Variants in HS6ST3 observed in about 807,000 individuals in gnomAD.
HS6ST3 encodes the protein heparan sulfate 6-O-sulfotransferase 3, also known as heparan-sulfate 6-O-sulfotransferase 3.
HS6ST3 carries 12 observed loss-of-function variants against 36.7 expected under a neutral mutation model. That is an observed-to-expected ratio of 0.33 (90% CI 0.21 to 0.53). The LOEUF is 0.53. Ranked by LOEUF, HS6ST3 falls within the 20% of genes least tolerant of loss-of-function variation. The probability of loss-of-function intolerance (pLI) is 0.95; values close to 1 mark genes in which losing one functional copy is unlikely to be tolerated. For missense variants in HS6ST3, 584 were observed against 640.9 expected, an observed-to-expected ratio of 0.91 and a Z score of 0.96; for synonymous variants, 240 against 257.5, an observed-to-expected ratio of 0.93 and a Z score of 0.65.
intron 1 of HS6ST3, among the ~76,000 whole-genome samples, chr13:96,141,914 T>A (rs1352092692): frequency 6.6e-6 from 1 of 151,654 alleles, no homozygotes; most frequent in Non-Finnish European, 1.5e-5. Flanking sequence ...AAGTTGTAAA[T>A]GCCATCAAGC....
chr13:96,564,907 C>T (rs781262614), intron 1 of HS6ST3, among the ~76,000 whole-genome samples: 1 of 152,180 alleles, frequency 6.6e-6, no homozygotes, highest in African/African-American at 2.4e-5. Context: ...AAAGCATTCT[C>T]TTTCACCTGT....
chr13:96,786,456 C>A (rs1877652330), intron 1 of HS6ST3, among the ~76,000 whole-genome samples: 1 of 152,118 alleles, frequency 6.6e-6, no homozygotes, highest in South Asian at 2.1e-4. Context: ...TTTCCCCAGA[C>A]CCTGGCATAC....
intron 1 of HS6ST3, among the ~76,000 whole-genome samples, chr13:96,723,468 A>G (rs567922832): frequency 1.2e-4 from 19 of 152,274 alleles, no homozygotes; most frequent in African/African-American, 3.9e-4. Context: ...TGCATATGAG[A>G]GAGAAACAAA....
intron 1 of HS6ST3, among the ~76,000 whole-genome samples, chr13:96,097,298 C>T (rs2053796282): frequency 6.6e-6 from 1 of 152,058 alleles, no homozygotes; most frequent in African/African-American, 2.4e-5. Flanking sequence ...TATTAATATT[C>T]CCCAAAGCTA....
intron 1 of HS6ST3, among the ~76,000 whole-genome samples, chr13:96,694,851 G>C (rs984228376): frequency 1.3e-5 from 2 of 151,706 alleles, no homozygotes; most frequent in Admixed American, 6.6e-5. Context: ...TGAAGTCATA[G>C]TTTTAAATTT....
intron 1 of HS6ST3, among the ~76,000 whole-genome samples, chr13:96,446,338 T>C (rs1398379050): frequency 6.6e-6 from 1 of 152,212 alleles, no homozygotes; most frequent in Non-Finnish European, 1.5e-5. Flanking sequence ...TGAGGCTAAA[T>C]TTAATTAGCA....
intron 1 of HS6ST3, among the ~76,000 whole-genome samples, chr13:96,402,899 T>C (rs2055458687): frequency 1.3e-5 from 2 of 152,240 alleles, no homozygotes; most frequent in Admixed American, 1.3e-4. Flanking sequence ...ATTTTGAGGA[T>C]ATATGTTTCC....
chr13:96,414,367 C>G (rs2055522647), intron 1 of HS6ST3, among the ~76,000 whole-genome samples: 1 of 152,104 alleles, frequency 6.6e-6, no homozygotes, highest in Admixed American at 6.5e-5. Flanking sequence ...TTAGTCTGAC[C>G]TTTTAATTTG....
rs926136088 is a variant in HS6ST3 at position 96,289,521 on chromosome 13, G to A, written c.707+197952G>A. ...TAATAAAGAATTGCTCACACAACTG[G>A]CAATCAAAATAAATGGTTACCATTA... On this transcript the variant is annotated intron_variant, in intron 1 of 1. Coordinates refer to ENST00000376705, the MANE Select transcript of HS6ST3 (RefSeq NM_153456.4). Among the ~76,000 whole-genome samples the A allele has an allele frequency of 3.9e-5, 6 of 152,038 alleles. No individual in the cohort carries two copies. The South Asian group carries it at 6.3e-4, about 16-fold the overall frequency.
intron 1 of HS6ST3, among the ~76,000 whole-genome samples, chr13:96,780,221 G>T (rs1256767383): frequency 2.6e-5 from 4 of 152,184 alleles, no homozygotes; most frequent in African/African-American, 7.2e-5. Flanking sequence ...CATGCAGAGA[G>T]ACTGATGGCA....
At chr13:96,169,342 G>A (rs2054176613) in intron 1 of HS6ST3, among the ~76,000 whole-genome samples, 1 of 151,884 alleles carries the variant, frequency 6.6e-6, no homozygotes, top group Admixed American at 6.6e-5. Flanking sequence ...AAATAACACT[G>A]CTATAGGAAA....
intron 1 of HS6ST3, among the ~76,000 whole-genome samples, chr13:96,546,092 C>G (rs1368744883): frequency 1.3e-5 from 2 of 152,094 alleles, no homozygotes; most frequent in Non-Finnish European, 2.9e-5. Context: ...TATTTAGTAA[C>G]AGTGGTGATT....
chr13:96,806,934 G>A (rs770248320), intron 1 of HS6ST3, among the ~76,000 whole-genome samples: 3 of 151,992 alleles, frequency 2.0e-5, no homozygotes, highest in African/African-American at 4.8e-5. Context: ...CCTTCCCCCC[G>A]GGAAGACACG....
intron 1 of HS6ST3, among the ~76,000 whole-genome samples, chr13:96,328,983 T>C (rs2055048859): frequency 6.6e-6 from 1 of 151,630 alleles, no homozygotes; most frequent in Admixed American, 6.6e-5. Context: ...GTGTTTGTAG[T>C]ATTCTCTGAT....
At chr13:96,120,627 G>A (rs952953865) in intron 1 of HS6ST3, among the ~76,000 whole-genome samples, 2 of 151,930 alleles carry the variant, frequency 1.3e-5, no homozygotes, top group Admixed American at 6.6e-5. Context: ...AATTTTATAA[G>A]GAGATACAAA....
intron 1 of HS6ST3, among the ~76,000 whole-genome samples, chr13:96,284,419 T>TG (rs1196634190): frequency 6.6e-6 from 1 of 152,148 alleles, no homozygotes; most frequent in East Asian, 1.9e-4. Flanking sequence ...CTGAATAACT[T>TG]GGAGTCTGAT....
chr13:96,475,542 G>A (rs970161394), intron 1 of HS6ST3, among the ~76,000 whole-genome samples: 40 of 148,574 alleles, frequency 2.7e-4, no homozygotes, highest in Non-Finnish European at 1.0e-4. Context: ...GTTAAGACAC[G>A]TATCAGCAAA....
intron 1 of HS6ST3, among the ~76,000 whole-genome samples, chr13:96,800,012 A>ATG (rs1878028856): frequency 4.0e-5 from 5 of 125,174 alleles, no homozygotes; most frequent in African/African-American, 1.3e-4. Context: ...ATATATATAT[A>ATG]TGTATATATA....
intron 1 of HS6ST3, among the ~76,000 whole-genome samples, chr13:96,676,142 A>G (rs2056698172): frequency 6.6e-6 from 1 of 152,168 alleles, no homozygotes; most frequent in Non-Finnish European, 1.5e-5. Context: ...CTTAAGCAAC[A>G]GAAAATCATT....
Sources: allele counts gnomAD v4.1 joint callset (sites outside exome capture counted in the v4.1 genomes callset), GRCh38; gene constraint gnomAD v4.1.1; transcripts MANE v1.5; gene names NCBI Gene and HGNC (gene_info 2026-07-23, HGNC 2026-07-21).